BFSP1: variants seen among roughly 807,000 people sequenced by gnomAD.
BFSP1 encodes beaded filament structural protein 1.
BFSP1 carries 38 observed loss-of-function variants against 43.9 expected under a neutral mutation model. The observed-to-expected ratio is 0.87, with a 90% confidence interval of 0.67 to 1.14. The LOEUF (loss-of-function observed/expected upper bound fraction) is 1.14, where lower values mean the gene tolerates loss of function less well. Among genes scored for constraint, BFSP1 ranks in the 50% most tolerant of loss-of-function variants. BFSP1 has a pLI of 0.00. For synonymous variants in BFSP1, 352 were observed against 354.8 expected, an observed-to-expected ratio of 0.99 and a Z score of 0.09; for missense variants, 850 against 875.1, an observed-to-expected ratio of 0.97 and a Z score of 0.36.
At chr20:17,565,358 A>C in intron 1 of BFSP1, 1 of 152,210 alleles carries the variant, frequency 6.6e-6, no homozygotes, top group East Asian at 1.9e-4. Flanking sequence ...GAATTTTCTG[A>C]GAAGTCTACC....
chr20:17,511,029 A>AT (rs1246335794), intron 4 of BFSP1, among the ~76,000 whole-genome samples: 6 of 152,062 alleles, frequency 3.9e-5, no homozygotes, highest in African/African-American at 1.2e-4. Flanking sequence ...TCAGGCTGGT[A>AT]TTGAACTCCT....
intron 1 of BFSP1, among the ~76,000 whole-genome samples, chr20:17,543,210 G>A (rs2034746833): frequency 6.6e-6 from 1 of 152,148 alleles, no homozygotes; most frequent in Admixed American, 6.6e-5. Context: ...TCTTTCTGAA[G>A]ACCAACAGTG....
chr20:17,558,321 C>T (rs2035029175), intron 1 of BFSP1, among the ~76,000 whole-genome samples: 1 of 152,188 alleles, frequency 6.6e-6, no homozygotes, highest in African/African-American at 2.4e-5. Flanking sequence ...CTGCAGTCAT[C>T]TCAGGGAAGT....
chr20:17,532,455 T>C (rs1357232899), upstream of BFSP1, among the ~76,000 whole-genome samples: 5 of 151,720 alleles, frequency 3.3e-5, no homozygotes, highest in African/African-American at 1.2e-4. Context: ...TTTCTTTTTC[T>C]TTTTTTAACA....
At chr20:17,500,817 G>A (rs1453997614) in intron 5 of BFSP1, among the ~76,000 whole-genome samples, 1 of 152,166 alleles carries the variant, frequency 6.6e-6, no homozygotes, top group Non-Finnish European at 1.5e-5. Flanking sequence ...ACTTTATAAA[G>A]TAGAGGCCGA....
upstream of BFSP1, among the ~76,000 whole-genome samples, chr20:17,561,849 C>CT (rs1371255004): frequency 6.6e-6 from 1 of 152,100 alleles, no homozygotes; most frequent in Admixed American, 6.5e-5. Flanking sequence ...CATGAGCTCC[C>CT]TAAGGTTATA....
At chr20:17,498,290 G>A (rs2033704430) in intron 6 of BFSP1, among the ~76,000 whole-genome samples, 1 of 152,190 alleles carries the variant, frequency 6.6e-6, no homozygotes, top group South Asian at 2.1e-4. Flanking sequence ...AAAGTGAGTA[G>A]GGATCGACTC....
chr20:17,553,846 TATAC>T (rs1483144534), intron 1 of BFSP1, among the ~76,000 whole-genome samples: 1 of 87,786 alleles, frequency 1.1e-5, no homozygotes, highest in African/African-American at 8.1e-5. Context: ...TACACATATA[TATAC>T]ATATATATAC....
intron 1 of BFSP1, among the ~76,000 whole-genome samples, chr20:17,546,494 A>T (rs2034802890): frequency 2.6e-5 from 4 of 152,224 alleles, no homozygotes; most frequent in Admixed American, 2.6e-4. Flanking sequence ...TGAAGACAGG[A>T]GTTTGAGACC....
chr20:17,526,871 T>C (rs1254537527), intron 1 of BFSP1, among the ~76,000 whole-genome samples: 1 of 152,240 alleles, frequency 6.6e-6, no homozygotes, highest in Non-Finnish European at 1.5e-5. Context: ...GCCATCCTAA[T>C]TGGTCTGAAG....
At chr20:17,527,467 C>T (rs2034444982) in intron 1 of BFSP1, among the ~76,000 whole-genome samples, 1 of 152,170 alleles carries the variant, frequency 6.6e-6, no homozygotes, top group Non-Finnish European at 1.5e-5. Context: ...GTGGCTCACG[C>T]CTGTAATCCC....
chr20:17,497,448 G>GTA (rs1191036593), intron 6 of BFSP1, among the ~76,000 whole-genome samples: 1 of 70,622 alleles, frequency 1.4e-5, no homozygotes, highest in African/African-American at 5.6e-5. Context: ...ATACGTGTAT[G>GTA]TATATATATA....
intron 1 of BFSP1, among the ~76,000 whole-genome samples, chr20:17,550,393 G>C (rs1295671933): frequency 6.6e-6 from 1 of 151,374 alleles, no homozygotes; most frequent in Non-Finnish European, 1.5e-5. Context: ...AGATTTATTA[G>C]TTTGTTGATT....
intron 1 of BFSP1, among the ~76,000 whole-genome samples, chr20:17,546,735 C>G (rs1600678770): frequency 6.6e-6 from 1 of 151,844 alleles, no homozygotes; most frequent in Admixed American, 6.6e-5. Context: ...GAAAGCAGCT[C>G]TTTGTTTCAG....
In BFSP1 at chr20:17,529,659, A is replaced by G. The variant is rs368620828; in HGVS notation, c.377+1294T>C. 2.0e-4 allele frequency among the ~76,000 whole-genome samples: 30 copies of G among 152,356 alleles called. No individual in the cohort carries two copies. In the South Asian group the frequency reaches 6.2e-3, roughly 32 times the overall value. ...TGCATAGTATTCCATTACATGGAGGAAGCACCTGTCTCCTTTTAATGGGCA... is the reference window on the plus strand; with the variant it reads ...TGCATAGTATTCCATTACATGGAGGGAGCACCTGTCTCCTTTTAATGGGCA... On this transcript the variant is annotated intron_variant, in intron 1 of 7. Transcript: ENST00000377873.
At chr20:17,569,010 G>C (rs1466455834) in intron 1 of BFSP1, among the ~76,000 whole-genome samples, 6 of 152,164 alleles carry the variant, frequency 3.9e-5, no homozygotes, top group Admixed American at 6.5e-5. Flanking sequence ...CCGCCCATTA[G>C]AAAAACACAA....
chr20:17,526,189 A>G (rs73599753), intron 1 of BFSP1, among the ~76,000 whole-genome samples: 1,788 of 131,828 alleles, frequency 0.014, 35 homozygotes, highest in Middle Eastern at 0.042. Context: ...CATAAAATTT[A>G]CCAACTTAAC....
At chr20:17,557,384 G>A (rs2035009635) in intron 1 of BFSP1, among the ~76,000 whole-genome samples, 1 of 152,122 alleles carries the variant, frequency 6.6e-6, no homozygotes, top group Admixed American at 6.5e-5. Context: ...TGCAGACCAT[G>A]GGGGGCACCT....
intron 1 of BFSP1, among the ~76,000 whole-genome samples, chr20:17,528,333 G>C (rs1349696982): frequency 6.6e-6 from 1 of 152,230 alleles, no homozygotes; most frequent in Non-Finnish European, 1.5e-5. Flanking sequence ...AATCAGTAAA[G>C]ACCAGGAAAA....
Sources: allele counts gnomAD v4.1 joint callset (sites outside exome capture counted in the v4.1 genomes callset), GRCh38; gene constraint gnomAD v4.1.1; transcripts MANE v1.5; gene names NCBI Gene and HGNC (gene_info 2026-07-23, HGNC 2026-07-21).